Variants in PIP4K2A observed in about 807,000 individuals in gnomAD.
PIP4K2A encodes the protein phosphatidylinositol-5-phosphate 4-kinase type 2 alpha.
A neutral mutation model predicts 42.9 loss-of-function variants in PIP4K2A; 14 were observed. The ratio of observed to expected loss-of-function variants is 0.33; its 90% CI spans 0.22 to 0.51. The LOEUF is 0.51. Ranked by LOEUF, PIP4K2A falls within the 20% of genes least tolerant of loss-of-function variation. The probability of loss-of-function intolerance (pLI) is 0.97; values close to 1 mark genes in which losing one functional copy is unlikely to be tolerated. For missense variants in PIP4K2A, 434 were observed against 519.8 expected (o/e 0.83, Z 1.61); for synonymous variants, 192 against 192.2 (o/e 1.00, Z 0.01).
rs538467103 is a variant in PIP4K2A, at chr10:22,602,701, T to A, written c.339+5226A>T. Among the ~76,000 whole-genome samples, 11 of 152,248 alleles carry A rather than the reference T, an allele frequency of 7.2e-5. No homozygotes were observed. The East Asian group carries it at 2.1e-3, about 29-fold the overall frequency. On this transcript the variant is annotated intron_variant, in intron 3 of 9. Transcript: ENST00000376573. ...TAGCCCTCACTCTCTTTCACAAGTA[T>A]TTCTTATTTACTTATTTATTTTTCA...
At chr10:22,712,497 T>G (rs1251635380) in intron 1 of PIP4K2A, among the ~76,000 whole-genome samples, 2 of 152,200 alleles carry the variant, frequency 1.3e-5, no homozygotes, top group Non-Finnish European at 2.9e-5. Flanking sequence ...ATCCTTTTTT[T>G]AAATTGTAAG....
At chr10:22,572,506 T>A (rs1219482657) in intron 5 of PIP4K2A, among the ~76,000 whole-genome samples, 1 of 151,886 alleles carries the variant, frequency 6.6e-6, no homozygotes, top group Non-Finnish European at 1.5e-5. Flanking sequence ...TGGTCCCAGC[T>A]ACGTGGGAGG....
chr10:22,606,353 C>T (rs879795780), intron 3 of PIP4K2A, among the ~76,000 whole-genome samples: 6 of 152,104 alleles, frequency 3.9e-5, no homozygotes, highest in East Asian at 1.9e-4. Context: ...TTGGCTCCCA[C>T]GCAGTTTTAA....
At chr10:22,592,799 G>A (rs1008194834) in intron 3 of PIP4K2A, among the ~76,000 whole-genome samples, 4 of 152,196 alleles carry the variant, frequency 2.6e-5, no homozygotes, top group African/African-American at 7.2e-5. Flanking sequence ...CATCCTTGCC[G>A]ACTGCTCCTG....
At chr10:22,567,445 C>T (rs1005540648) in intron 6 of PIP4K2A, 11 of 380,924 alleles carry the variant, frequency 2.9e-5, no homozygotes, top group African/African-American at 2.1e-4. Context: ...GCAGACTCAG[C>T]GATGCAAAGA....
chr10:22,578,284 T>G (rs1837169866), intron 4 of PIP4K2A, among the ~76,000 whole-genome samples: 1 of 152,200 alleles, frequency 6.6e-6, no homozygotes, highest in South Asian at 2.1e-4. Context: ...GCTTATTTTC[T>G]GTTGCTCTGT....
chr10:22,673,837 C>A (rs1839503285), intron 1 of PIP4K2A, among the ~76,000 whole-genome samples: 1 of 152,038 alleles, frequency 6.6e-6, no homozygotes, highest in Non-Finnish European at 1.5e-5. Flanking sequence ...CTATTTAATC[C>A]TTTTTCTTCA....
intron 6 of PIP4K2A, among the ~76,000 whole-genome samples, chr10:22,563,073 C>T (rs963392987): frequency 1.3e-5 from 2 of 152,040 alleles, no homozygotes; most frequent in Non-Finnish European, 2.9e-5. Context: ...TGATCTCTAC[C>T]CTACTGTCAA....
At chr10:22,691,632 A>G (rs1402456923) in intron 1 of PIP4K2A, 1 of 152,194 alleles carries the variant, frequency 6.6e-6, no homozygotes, top group Non-Finnish European at 1.5e-5. Flanking sequence ...CTGATTCCAC[A>G]GTGAGGTGGC....
intron 4 of PIP4K2A, among the ~76,000 whole-genome samples, chr10:22,590,995 G>T (rs148468841): frequency 6.6e-6 from 1 of 152,206 alleles, no homozygotes; most frequent in African/African-American, 2.4e-5. Context: ...CTCACAGCGC[G>T]GGCTGGGCCT....
chr10:22,692,288 T>C (rs993378493), intron 1 of PIP4K2A, among the ~76,000 whole-genome samples: 1 of 152,106 alleles, frequency 6.6e-6, no homozygotes, highest in Non-Finnish European at 1.5e-5. Flanking sequence ...GCTGCTGATC[T>C]GACAGGAGGC....
intron 1 of PIP4K2A, among the ~76,000 whole-genome samples, chr10:22,648,160 T>C (rs1251619539): frequency 6.6e-6 from 1 of 152,238 alleles, no homozygotes; most frequent in East Asian, 1.9e-4. Flanking sequence ...TCTGTTTAAA[T>C]ATACAGTTTT....
chr10:22,615,927 G>T (rs1290322981), intron 1 of PIP4K2A, among the ~76,000 whole-genome samples: 1 of 151,808 alleles, frequency 6.6e-6, no homozygotes, highest in Non-Finnish European at 1.5e-5. Context: ...TCCTGGGAGC[G>T]ACTTCTTGTT....
At position 22,605,982 on chromosome 10, in the gene PIP4K2A, A is replaced by G. The variant is rs1359640; in HGVS notation, c.339+1945T>C. ...TTCTAATAATTTTCTGTTAAAGTTA[A>G]TTATTTTTACAGCAGTAAATTTCAA... is the stretch of plus-strand genomic sequence containing the variant. On this transcript the variant is annotated intron_variant, in intron 3 of 9. Coordinates refer to ENST00000376573, the MANE Select transcript of PIP4K2A (RefSeq NM_005028.5). Among the ~76,000 whole-genome samples the G allele has an allele frequency of 3.5e-3, 538 of 152,252 alleles. 7 individuals carry two copies. The highest frequency in any genetic ancestry group is 0.024 in the East Asian group (124 of 5,180).
chr10:22,662,064 G>C (rs769156854), intron 1 of PIP4K2A, among the ~76,000 whole-genome samples: 3 of 152,144 alleles, frequency 2.0e-5, no homozygotes, highest in African/African-American at 4.8e-5. Context: ...TGCAAGGAAT[G>C]AATGACAAGA....
intron 1 of PIP4K2A, among the ~76,000 whole-genome samples, chr10:22,626,194 A>G (rs562715328): frequency 2.0e-5 from 3 of 152,264 alleles, no homozygotes; most frequent in East Asian, 3.9e-4. Context: ...CAGCATTTTG[A>G]TATCTAAATC....
At chr10:22,683,985 A>G (rs950609348) in intron 1 of PIP4K2A, among the ~76,000 whole-genome samples, 8 of 152,134 alleles carry the variant, frequency 5.3e-5, no homozygotes, top group Non-Finnish European at 2.9e-5. Flanking sequence ...CATCGGCCAA[A>G]TACCCATTAG....
intron 5 of PIP4K2A, among the ~76,000 whole-genome samples, chr10:22,569,372 A>G (rs971541376): frequency 6.6e-5 from 10 of 152,200 alleles, no homozygotes; most frequent in African/African-American, 2.4e-4. Flanking sequence ...TGAACCATTC[A>G]TGAAGGCAAA....
chr10:22,549,857 A>G (rs1836356834), intron 7 of PIP4K2A, among the ~76,000 whole-genome samples: 61 of 83,336 alleles, frequency 7.3e-4, no homozygotes, highest in East Asian at 2.5e-3. Context: ...AAAAAAAAAA[A>G]AAAAAAAAAA....
Sources: allele counts gnomAD v4.1 joint callset (sites outside exome capture counted in the v4.1 genomes callset), GRCh38; gene constraint gnomAD v4.1.1; transcripts MANE v1.5; gene names NCBI Gene and HGNC (gene_info 2026-07-23, HGNC 2026-07-21).